NINL: variants seen among roughly 807,000 people sequenced by gnomAD.
The protein encoded by NINL is ninein like.
NINL carries 153 observed loss-of-function variants against 160.3 expected under a neutral mutation model. The ratio of observed to expected loss-of-function variants is 0.95; its 90% CI spans 0.84 to 1.09. The LOEUF is 1.09. Ranked by LOEUF, NINL falls within the 50% of genes least tolerant of loss-of-function variation. The pLI, the probability that NINL is intolerant of heterozygous loss-of-function variation, is 0.00. For missense variants in NINL, 1,829 were observed against 1,764.0 expected, an observed-to-expected ratio of 1.04 and a Z score of -0.66; for synonymous variants, 800 against 734.8, an observed-to-expected ratio of 1.09 and a Z score of -1.43.
chr20:25,503,500 C>A (rs1378035395), intron 7 of NINL, among the ~76,000 whole-genome samples: 1 of 147,166 alleles, frequency 6.8e-6, no homozygotes, highest in Non-Finnish European at 1.5e-5. Context: ...AGGAGGTGGG[C>A]ACCTGAGCAG....
intron 1 of NINL, among the ~76,000 whole-genome samples, chr20:25,543,994 C>T (rs1265149391): frequency 7.5e-6 from 1 of 132,886 alleles, no homozygotes; most frequent in African/African-American, 3.4e-5. Flanking sequence ...AGTCCATCTT[C>T]ATTCTTTCCA....
chr20:25,502,205 C>T (rs1406289156), intron 7 of NINL, among the ~76,000 whole-genome samples: 1 of 152,178 alleles, frequency 6.6e-6, no homozygotes, highest in African/African-American at 2.4e-5. Context: ...TGGTCTCCAA[C>T]TCCTGACCTC....
intron 19 of NINL, among the ~76,000 whole-genome samples, chr20:25,466,058 C>T (rs749391101): frequency 2.6e-5 from 4 of 152,092 alleles, no homozygotes; most frequent in African/African-American, 7.2e-5. Flanking sequence ...CAGGGTCTCA[C>T]TCTGTCAGGC....
At chr20:25,541,864 G>A (rs561694508) in intron 1 of NINL, among the ~76,000 whole-genome samples, 5 of 152,304 alleles carry the variant, frequency 3.3e-5, no homozygotes, top group Admixed American at 6.5e-5. Flanking sequence ...AGAATCATCC[G>A]TGTATGATCA....
intron 2 of NINL, among the ~76,000 whole-genome samples, chr20:25,524,687 G>A (rs1178817902): frequency 6.6e-6 from 1 of 152,076 alleles, no homozygotes; most frequent in African/African-American, 2.4e-5. Flanking sequence ...ACCAATCATG[G>A]TTATTCTATC....
intron 5 of NINL, 77 bp downstream of exon 5, chr20:25,510,597 G>T: frequency 1.6e-6 from 2 of 1,277,040 alleles, no homozygotes; most frequent in Non-Finnish European, 2.3e-6. Context: ...GTTGCACACT[G>T]CCCAATGACC....
At chr20:25,498,071 C>G (rs1601153628) in intron 9 of NINL, 139 bp downstream of exon 9, 10 of 1,033,790 alleles carry the variant, frequency 9.7e-6, no homozygotes, top group East Asian at 2.4e-5. Context: ...ACGGGACAGA[C>G]AGTGTGCAGA....
At chr20:25,505,594 A>T (rs1424559196) in intron 5 of NINL, among the ~76,000 whole-genome samples, 1 of 152,232 alleles carries the variant, frequency 6.6e-6, no homozygotes, top group African/African-American at 2.4e-5. Flanking sequence ...TTTATTTGTC[A>T]ATCACACCTC....
Position 25,553,104 on chromosome 20 carries a change from G to GTTTTTTTTTT in NINL, c.-11-26516_-11-26507dup, listed in dbSNP as rs3036846. On this transcript the variant is annotated intron_variant, in intron 1 of 23. Coordinates refer to ENST00000278886, the MANE Select transcript of NINL (RefSeq NM_025176.6). ...GGAAGTTACTTCTCACCCTTGTTGG[G>GTTTTTTTTTT]TTTTTTTTTTTTTTTTTGGAGATGG... Among the ~76,000 whole-genome samples the GTTTTTTTTTT allele has an allele frequency of 4.2e-3, 422 of 100,028 alleles. 17 individuals are homozygous for GTTTTTTTTTT. Among genetic ancestry groups the GTTTTTTTTTT allele is most frequent in the Middle Eastern group, 8.9e-3 (1 of 112 alleles). 65.6% of individuals were successfully genotyped at this position (100,028 alleles called of 152,430 possible).
At chr20:25,569,886 T>G (rs1052772066) in intron 1 of NINL, among the ~76,000 whole-genome samples, 1 of 152,008 alleles carries the variant, frequency 6.6e-6, no homozygotes, top group Admixed American at 6.6e-5. Flanking sequence ...TGATTCTCTG[T>G]CAAAGCTAGG....
At position 25,453,364 on chromosome 20, in the gene NINL, T is replaced by C; in HGVS notation, c.*87A>G. The C allele has an allele frequency of 8.2e-7, 1 of 1,214,146 alleles. No individual in the cohort carries two copies. 75.2% of individuals were successfully genotyped at this position (1,214,146 alleles called of 1,614,324 possible). A position where few individuals can be genotyped will look rare whatever the true frequency, so the allele number is the denominator to read the frequency against. ...CAATCCTCAGATGTCCCAGGACTCA[T>C]GGCTCATGACCCACGGAATCTAAGG... On this transcript the variant is annotated 3_prime_UTR_variant, in exon 24 of 24. Transcript: ENST00000278886.
intron 1 of NINL, among the ~76,000 whole-genome samples, chr20:25,552,142 G>T (rs2147098909): frequency 6.6e-6 from 1 of 152,290 alleles, no homozygotes; most frequent in Non-Finnish European, 1.5e-5. Flanking sequence ...CAGTTGGCGG[G>T]GTGGGGATGG....
chr20:25,538,212 T>G (rs542863670), intron 1 of NINL, among the ~76,000 whole-genome samples: 21 of 152,272 alleles, frequency 1.4e-4, no homozygotes, highest in African/African-American at 5.1e-4. Flanking sequence ...GGGACTCCTG[T>G]GGTCGCCAGG....
At chr20:25,521,326 T>C (rs2064259066) in intron 2 of NINL, among the ~76,000 whole-genome samples, 1 of 152,240 alleles carries the variant, frequency 6.6e-6, no homozygotes, top group South Asian at 2.1e-4. Context: ...AGAGTTCTTT[T>C]AGATATTTTT....
intron 2 of NINL, 58 bp from the exon 3 acceptor site, chr20:25,517,907 A>G (rs891928392): frequency 3.4e-5 from 37 of 1,100,814 alleles, no homozygotes; most frequent in Non-Finnish European, 4.7e-5. Flanking sequence ...ACACAATTCA[A>G]AAGTGACTCT....
chr20:25,455,449 G>A (rs2146266917), intron 23 of NINL, among the ~76,000 whole-genome samples: 1 of 152,290 alleles, frequency 6.6e-6, no homozygotes, highest in African/African-American at 2.4e-5. Context: ...CAAATGAACG[G>A]ATGAGTCCTT....
At chr20:25,576,441 GA>G (rs1271472649) in intron 1 of NINL, among the ~76,000 whole-genome samples, 1 of 152,074 alleles carries the variant, frequency 6.6e-6, no homozygotes, top group Non-Finnish European at 1.5e-5. Context: ...TTTGAATTAT[GA>G]GAAGTTTATT....
intron 17 of NINL, among the ~76,000 whole-genome samples, chr20:25,472,729 T>C (rs1462438317): frequency 6.6e-6 from 1 of 151,980 alleles, no homozygotes; most frequent in African/African-American, 2.4e-5. Flanking sequence ...ACAGTCTCCT[T>C]ATGTTGCCCA....
chr20:25,461,630 G>A lies in NINL; in HGVS notation c.3588C>T (p.Asp1196=), dbSNP rs747247092. 20 of 1,607,644 alleles carry A rather than the reference G, an allele frequency of 1.2e-5. No individual in the cohort carries two copies. The highest frequency in any genetic ancestry group is 1.5e-5 in the Non-Finnish European group (18 of 1,175,010). ...EVVRSGQQQS[D]QIQKLRVELE... ...GTTCAACTCTAAGTTTTTGGATTTG[G>A]TCACTCTGTTTTTAAAAAATCAATT... is the stretch of plus-strand genomic sequence containing the variant. Residue 1196 remains aspartate (D), a synonymous_variant, in exon 21 of 24, where the codon GAC becomes GAT. Transcript: ENST00000278886.
Sources: allele counts gnomAD v4.1 joint callset (sites outside exome capture counted in the v4.1 genomes callset), GRCh38; gene constraint gnomAD v4.1.1; transcripts MANE v1.5; gene names NCBI Gene and HGNC (gene_info 2026-07-23, HGNC 2026-07-21).